ZFPM2: variants seen among roughly 807,000 people sequenced by gnomAD.
ZFPM2 encodes the protein zinc finger protein ZFPM2.
ZFPM2 carries 20 observed loss-of-function variants against 98.6 expected under a neutral mutation model. The ratio of observed to expected loss-of-function variants is 0.20; its 90% confidence interval spans 0.14 to 0.29. The LOEUF is 0.29. Among genes scored for constraint, ZFPM2 ranks in the 10% least tolerant of loss-of-function variants. The pLI, the probability that ZFPM2 is intolerant of heterozygous loss-of-function variation, is 1.00. For synonymous variants in ZFPM2, 518 were observed against 502.7 expected (o/e 1.03, Z -0.41); for missense variants, 1,310 against 1,388.6 (o/e 0.94, Z 0.90).
At position 105,510,409 on chromosome 8, in the gene ZFPM2, TTTTG is replaced by T. The variant is rs1170743656; in HGVS notation, c.302-50938_302-50935del. Among the ~76,000 whole-genome samples the T allele has an allele frequency of 2.5e-3, 368 of 144,624 alleles. 4 individuals are homozygous for T. The highest frequency in any genetic ancestry group is 7.4e-3 in the Middle Eastern group (2 of 272). The allele number at this position is 144,624 out of a possible 152,430, so 94.9% of individuals were successfully genotyped here. The stretch of plus-strand genomic sequence containing the variant: ...AGGGGTCTGTGCATGTTTTTTTTTT[TTTTG>T]TTTGTTTGTTTGTTTCCAAGGAATT... On this transcript the variant is annotated intron_variant, in intron 3 of 7. Transcript: ENST00000407775.
At chr8:105,576,990 G>A (rs535471183) in intron 4 of ZFPM2, among the ~76,000 whole-genome samples, 1 of 151,978 alleles carries the variant, frequency 6.6e-6, no homozygotes, top group African/African-American at 2.4e-5. Context: ...TGAAAGGGTA[G>A]TGGAATAATC....
intron 5 of ZFPM2, among the ~76,000 whole-genome samples, chr8:105,711,378 C>T (rs1811392910): frequency 6.6e-6 from 1 of 152,036 alleles, no homozygotes; most frequent in South Asian, 2.1e-4. Context: ...TATTATTACA[C>T]CTCAGATTTC....
At chr8:105,479,600 A>C (rs1375069437) in intron 3 of ZFPM2, among the ~76,000 whole-genome samples, 1 of 152,192 alleles carries the variant, frequency 6.6e-6, no homozygotes, top group African/African-American at 2.4e-5. Flanking sequence ...TTGAAGAACA[A>C]TGATTAGGAG....
intron 3 of ZFPM2, among the ~76,000 whole-genome samples, chr8:105,459,526 G>C (rs576176009): frequency 2.0e-5 from 3 of 152,128 alleles, no homozygotes; most frequent in Non-Finnish European, 4.4e-5. Flanking sequence ...CCACAGACTG[G>C]GTGGATTAAA....
At chr8:105,567,768 A>G (rs1469060447) in intron 4 of ZFPM2, among the ~76,000 whole-genome samples, 3 of 152,138 alleles carry the variant, frequency 2.0e-5, no homozygotes, top group Non-Finnish European at 4.4e-5. Context: ...TCGGTATTCA[A>G]TAACTGCTCT....
intron 5 of ZFPM2, among the ~76,000 whole-genome samples, chr8:105,651,538 T>A (rs567764912): frequency 1.3e-5 from 2 of 152,106 alleles, no homozygotes; most frequent in African/African-American, 4.8e-5. Context: ...TTCCTTTGCC[T>A]GATAACCTTC....
chr8:105,659,348 A>G (rs1486718646), intron 5 of ZFPM2, among the ~76,000 whole-genome samples: 3 of 152,242 alleles, frequency 2.0e-5, no homozygotes, highest in Admixed American at 6.5e-5. Context: ...TCAACTCTGA[A>G]AGTATGATGA....
At chr8:105,475,252 A>C (rs142316758) in intron 3 of ZFPM2, among the ~76,000 whole-genome samples, 3 of 152,268 alleles carry the variant, frequency 2.0e-5, no homozygotes, top group South Asian at 2.1e-4. Flanking sequence ...CCACAAGACA[A>C]CCTTTCCAAG....
intron 3 of ZFPM2, among the ~76,000 whole-genome samples, chr8:105,462,075 C>T (rs1198679424): frequency 6.6e-6 from 1 of 152,068 alleles, no homozygotes; most frequent in African/African-American, 2.4e-5. Context: ...TTTCTTTAAA[C>T]CTGTTTATTA....
In ZFPM2 at chr8:105,334,258, A is replaced by T. The variant is rs1255218304; in HGVS notation, c.40+15277A>T. On this transcript the variant is annotated intron_variant, in intron 1 of 7. Transcript: ENST00000407775. ...TCCCTTAGGTTGTGTAGTTGAGAGG[A>T]TAGAAGTGCTTTTGGGAGTTGGGAA... 2.0e-5 allele frequency among the ~76,000 whole-genome samples: 3 copies of T among 151,216 alleles called. No individual in the cohort carries two copies. The Admixed American group carries it at 2.0e-4, about 10-fold the overall frequency.
intron 5 of ZFPM2, among the ~76,000 whole-genome samples, chr8:105,778,349 GAGGT>G (rs1434664490): frequency 2.0e-5 from 3 of 151,634 alleles, no homozygotes; most frequent in Non-Finnish European, 4.4e-5. Context: ...ATTTCAGAGG[GAGGT>G]ATCATGTGAG....
intron 3 of ZFPM2, among the ~76,000 whole-genome samples, chr8:105,475,260 A>G (rs1812988991): frequency 6.6e-6 from 1 of 152,192 alleles, no homozygotes; most frequent in Admixed American, 6.5e-5. Context: ...CAACCTTTCC[A>G]AGGAAAATCC....
rs76906199 is a variant in ZFPM2, at chr8:105,415,901, A to G, written c.41-3243A>G. 7.8e-4 allele frequency among the ~76,000 whole-genome samples: 119 copies of G among 152,238 alleles called. No individual in the cohort carries two copies. In the East Asian group the frequency reaches 0.018, roughly 23 times the overall value. On this transcript the variant is annotated intron_variant, in intron 1 of 7. Transcript: ENST00000407775. Reference sequence around the variant, plus strand: ...AAGTTGGTCATCAAATGACCTTCCTATGGCCTGTTTTAAATATTGGCAATG... The same window carrying G: ...AAGTTGGTCATCAAATGACCTTCCTGTGGCCTGTTTTAAATATTGGCAATG...
At chr8:105,791,644 G>A (rs1813615484) in intron 6 of ZFPM2, among the ~76,000 whole-genome samples, 1 of 152,128 alleles carries the variant, frequency 6.6e-6, no homozygotes, top group Non-Finnish European at 1.5e-5. Flanking sequence ...TCTATTGATT[G>A]GAATAGTTTC....
intron 5 of ZFPM2, among the ~76,000 whole-genome samples, chr8:105,731,470 A>T (rs1260517306): frequency 6.6e-6 from 1 of 151,668 alleles, no homozygotes; most frequent in African/African-American, 2.4e-5. Flanking sequence ...GGCACAATGA[A>T]CAGTCTCTGG....
chr8:105,773,989 A>T (rs1201202805), intron 5 of ZFPM2, among the ~76,000 whole-genome samples: 1 of 152,212 alleles, frequency 6.6e-6, no homozygotes, highest in Non-Finnish European at 1.5e-5. Flanking sequence ...TCTAGAAAGA[A>T]TTAGACTTCA....
At chr8:105,361,673 T>C (rs151306796) in intron 1 of ZFPM2, among the ~76,000 whole-genome samples, 5 of 152,294 alleles carry the variant, frequency 3.3e-5, no homozygotes, top group African/African-American at 1.2e-4. Flanking sequence ...GTAAATTCTT[T>C]TTAAAAAATA....
Position 105,336,729 on chromosome 8 carries a change from CAG to C in ZFPM2, c.40+17750_40+17751del, listed in dbSNP as rs1427886374. 9.8e-3 allele frequency among the ~76,000 whole-genome samples: 1,435 copies of C among 146,860 alleles called. 21 individuals carry two copies. Among genetic ancestry groups the C allele is most frequent in the African/African-American group, 0.035 (1,373 of 39,016 alleles). On this transcript the variant is annotated intron_variant, in intron 1 of 7. Coordinates refer to ENST00000407775, the MANE Select transcript of ZFPM2 (RefSeq NM_012082.4). The stretch of plus-strand genomic sequence containing the variant: ...ACACACACACACACACACACACACA[CAG>C]ACATATACATGCAGACATACACACT...
intron 5 of ZFPM2, among the ~76,000 whole-genome samples, chr8:105,638,672 C>T (rs1476762846): frequency 6.6e-6 from 1 of 151,812 alleles, no homozygotes; most frequent in Admixed American, 6.6e-5. Context: ...TGAAAATAGG[C>T]CCATTTAATG....
Sources: gnomAD v4.1 joint callset for allele counts (sites outside exome capture counted in the v4.1 genomes callset) on GRCh38, gnomAD v4.1.1 for gene constraint, MANE v1.5 for transcripts, NCBI Gene and HGNC (gene_info 2026-07-23, HGNC 2026-07-21) for gene names.